ZFYVE9: variants seen among roughly 807,000 people sequenced by gnomAD.
ZFYVE9 encodes the protein zinc finger FYVE domain-containing protein 9.
In ZFYVE9, 43 loss-of-function variants were observed where a neutral mutation model predicts 126.7. The observed-to-expected ratio is 0.34, with a 90% CI of 0.27 to 0.44. The LOEUF (loss-of-function observed/expected upper bound fraction) is 0.44. Among genes scored for constraint, ZFYVE9 ranks in the 20% least tolerant of loss-of-function variants. The pLI is 1.00. For synonymous variants in ZFYVE9, 521 were observed against 597.4 expected (o/e 0.87, Z 1.87); for missense variants, 1,476 against 1,697.0 (o/e 0.87, Z 2.29).
chr1:52,284,595 A>G (rs1645839602), intron 10 of ZFYVE9, among the ~76,000 whole-genome samples: 1 of 151,880 alleles, frequency 6.6e-6, no homozygotes, highest in African/African-American at 2.4e-5. Context: ...AATTTTTTGT[A>G]TTTTTAGTAG....
intron 1 of ZFYVE9, among the ~76,000 whole-genome samples, chr1:52,171,129 C>A (rs937810557): frequency 2.0e-5 from 3 of 151,910 alleles, no homozygotes; most frequent in Non-Finnish European, 2.9e-5. Flanking sequence ...TTAGGTATAT[C>A]TCCTAATGCT....
intron 4 of ZFYVE9, among the ~76,000 whole-genome samples, chr1:52,245,367 G>C (rs2077248041): frequency 6.6e-6 from 1 of 152,146 alleles, no homozygotes; most frequent in Non-Finnish European, 1.5e-5. Context: ...CAAAGCTGCA[G>C]ATGCTCTGCA....
chr1:52,327,253 G>A (rs1272552098), intron 13 of ZFYVE9, among the ~76,000 whole-genome samples: 11 of 152,132 alleles, frequency 7.2e-5, no homozygotes, highest in Non-Finnish European at 1.2e-4. Context: ...CAGAGAATGT[G>A]CTATGGCATT....
intron 12 of ZFYVE9, among the ~76,000 whole-genome samples, chr1:52,299,495 G>T (rs1000470896): frequency 2.0e-5 from 3 of 152,234 alleles, no homozygotes; most frequent in Non-Finnish European, 4.4e-5. Context: ...TTGAGGAAAA[G>T]ATTTCCACTG....
chr1:52,213,656 A>C (rs1645047204), intron 1 of ZFYVE9, among the ~76,000 whole-genome samples: 1 of 152,130 alleles, frequency 6.6e-6, no homozygotes, highest in Admixed American at 6.5e-5. Flanking sequence ...GTCTCAAAAA[A>C]AAAAGAGGAT....
rs1420196379 is a variant in ZFYVE9, at chr1:52,142,506, C to A, written c.-143+103C>A. 1 of 152,114 alleles carries A rather than the reference C, an allele frequency of 6.6e-6. No homozygotes were observed. The highest frequency in any genetic ancestry group is 6.5e-5 in the Admixed American group (1 of 15,282). The allele number at this position is 152,114 out of a possible 1,614,324, so 9.4% of individuals were successfully genotyped here. Reference sequence around the variant, plus strand: ...GGGCGGACGGGGCGTCCTGCCACTGCGGTCGCCTCCCCCACCCTGCGGTCC... The same window carrying A: ...GGGCGGACGGGGCGTCCTGCCACTGAGGTCGCCTCCCCCACCCTGCGGTCC... On this transcript the variant is annotated intron_variant, in intron 1 of 18. Transcript: ENST00000287727. The surrounding 1 kb of genome is among the most constrained non-coding windows in gnomAD (Gnocchi z 4.5).
In ZFYVE9 at chr1:52,268,647, C is replaced by G; in HGVS notation, c.2625+15C>G. 1.9e-6 allele frequency: 3 copies of G among 1,610,994 alleles called. No individual in the cohort carries two copies. Among genetic ancestry groups the G allele is most frequent in the Non-Finnish European group, 2.5e-6 (3 of 1,177,880 alleles). On this transcript the variant is annotated intron_variant, in intron 7 of 18. Coordinates refer to ENST00000287727, the MANE Select transcript of ZFYVE9 (RefSeq NM_004799.4). ...TACCAGCAGAGGTAAGAAAACAAAA[C>G]AGCAACTAAAATTGCATAGCTACTT...
intron 17 of ZFYVE9, among the ~76,000 whole-genome samples, chr1:52,343,899 C>T (rs1646462318): frequency 6.6e-6 from 1 of 152,024 alleles, no homozygotes; most frequent in South Asian, 2.1e-4. Context: ...TGGTGAAACC[C>T]CATCTCTACT....
Position 52,263,761 on chromosome 1 carries a change from C to G in ZFYVE9, c.2179-12C>G, listed in dbSNP as rs200746245. The G allele has an allele frequency of 2.7e-4, 230 of 839,280 alleles. 20 individuals carry two copies. Among genetic ancestry groups the G allele is most frequent in the East Asian group, 1.2e-3 (39 of 33,848 alleles). 52.0% of individuals were successfully genotyped at this position (839,280 alleles called of 1,614,324 possible). A position where few individuals can be genotyped will look rare whatever the true frequency, so the allele number is the denominator to read the frequency against. ...TAAATTTTGTGTGTTCTTCCCCCCC[C>G]CCCCCCCACAGGTTTTCTGTGCTTC... On this transcript the variant is annotated splice_polypyrimidine_tract_variant and intron_variant, in intron 4 of 18. Transcript: ENST00000287727.
At chr1:52,305,661 A>G (rs1646076417) in intron 13 of ZFYVE9, among the ~76,000 whole-genome samples, 1 of 151,904 alleles carries the variant, frequency 6.6e-6, no homozygotes, top group Non-Finnish European at 1.5e-5. Flanking sequence ...TGCCCAAGTT[A>G]TGGCTGCAGA....
intron 1 of ZFYVE9, among the ~76,000 whole-genome samples, chr1:52,209,023 T>A (rs1157485324): frequency 6.6e-6 from 1 of 152,214 alleles, no homozygotes; most frequent in Non-Finnish European, 1.5e-5. Flanking sequence ...CTGTGTATTA[T>A]CCATGGTATC....
chr1:52,160,187 G>C (rs1444643059), intron 1 of ZFYVE9: 1 of 669,640 alleles, frequency 1.5e-6, no homozygotes, highest in African/African-American at 1.8e-5. Flanking sequence ...TGTGAGGTTG[G>C]AGGCGCTTCT....
At chr1:52,204,400 A>C (rs1426805603) in intron 1 of ZFYVE9, among the ~76,000 whole-genome samples, 1 of 152,080 alleles carries the variant, frequency 6.6e-6, no homozygotes, top group Non-Finnish European at 1.5e-5. Context: ...GGCTTTCGTC[A>C]AATAGTTTCT....
At chr1:52,150,121 G>A (rs1159708200) in intron 1 of ZFYVE9, 1 of 152,234 alleles carries the variant, frequency 6.6e-6, no homozygotes, top group Non-Finnish European at 1.5e-5. Context: ...GTGGTGGCAT[G>A]TGCGTCTAGT....
intron 4 of ZFYVE9, among the ~76,000 whole-genome samples, chr1:52,241,383 C>T (rs1285859452): frequency 6.6e-6 from 1 of 152,158 alleles, no homozygotes; most frequent in African/African-American, 2.4e-5. Context: ...TAAATATTTT[C>T]CAGTCTTCTT....
intron 13 of ZFYVE9, among the ~76,000 whole-genome samples, chr1:52,306,338 G>C (rs1646084809): frequency 6.6e-6 from 1 of 152,152 alleles, no homozygotes; most frequent in African/African-American, 2.4e-5. Flanking sequence ...ATGACCAGCT[G>C]TAGAGAGGAG....
chr1:52,323,355 G>A (rs1646259406), intron 13 of ZFYVE9, among the ~76,000 whole-genome samples: 1 of 152,034 alleles, frequency 6.6e-6, no homozygotes, highest in African/African-American at 2.4e-5. Flanking sequence ...ATTTTTCTCT[G>A]TAGCACTTGT....
At chr1:52,279,967 C>A (rs1015294784) in intron 9 of ZFYVE9, among the ~76,000 whole-genome samples, 11 of 152,232 alleles carry the variant, frequency 7.2e-5, no homozygotes, top group African/African-American at 2.6e-4. Flanking sequence ...TTGCTAATCA[C>A]ACTCTTGTAT....
intron 13 of ZFYVE9, among the ~76,000 whole-genome samples, chr1:52,323,860 T>C (rs1418641900): frequency 7.1e-6 from 1 of 141,422 alleles, no homozygotes; most frequent in Non-Finnish European, 1.5e-5. Flanking sequence ...ACAACCACCC[T>C]GACTAACGTG....
Sources: allele counts gnomAD v4.1 joint callset (sites outside exome capture counted in the v4.1 genomes callset), GRCh38; gene constraint gnomAD v4.1.1; non-coding constraint Gnocchi (gnomAD v3.1); transcripts MANE v1.5; gene names NCBI Gene and HGNC (gene_info 2026-07-23, HGNC 2026-07-21).